Variants in ATRNL1 observed in about 807,000 individuals in gnomAD.
ATRNL1 encodes the protein attractin-like protein 1.
In ATRNL1, 95 loss-of-function variants were observed where a neutral mutation model predicts 182.7. The observed-to-expected ratio is 0.52, with a 90% confidence interval of 0.44 to 0.62. ATRNL1 has a LOEUF of 0.62. Among genes scored for constraint, ATRNL1 ranks in the 20% least tolerant of loss-of-function variants. ATRNL1 has a pLI of 0.00. For missense variants in ATRNL1, 1,471 were observed against 1,679.5 expected, an observed-to-expected ratio of 0.88 and a Z score of 2.17; for synonymous variants, 576 against 568.3, an observed-to-expected ratio of 1.01 and a Z score of -0.19.
chr10:115,579,497 G>T (rs1390473957), intron 26 of ATRNL1, among the ~76,000 whole-genome samples: 1 of 151,754 alleles, frequency 6.6e-6, no homozygotes, highest in Non-Finnish European at 1.5e-5. Context: ...ACTTGTTACA[G>T]TTTGTGACTT....
intron 13 of ATRNL1, among the ~76,000 whole-genome samples, chr10:115,279,962 A>G (rs1852283346): frequency 1.3e-5 from 2 of 152,344 alleles, no homozygotes; most frequent in Admixed American, 6.5e-5. Flanking sequence ...TAGGGGCCAC[A>G]GTAGAGAAGC....
intron 8 of ATRNL1, among the ~76,000 whole-genome samples, chr10:115,202,152 A>G (rs1490422529): frequency 2.4e-4 from 37 of 152,238 alleles, no homozygotes; most frequent in Non-Finnish European, 4.6e-4. Flanking sequence ...GGGGTTTTCT[A>G]GATATACAAT....
chr10:115,521,141 G>GTTGTTA (rs1266257619), intron 25 of ATRNL1, among the ~76,000 whole-genome samples: 1 of 134,754 alleles, frequency 7.4e-6, no homozygotes, highest in Non-Finnish European at 1.7e-5. Flanking sequence ...AACAACTTTT[G>GTTGTTA]TTGTTGTTGT....
At chr10:115,381,432 A>AT (rs375127246) in intron 19 of ATRNL1, among the ~76,000 whole-genome samples, 2,071 of 68,540 alleles carry the variant, frequency 0.03, 309 homozygotes, top group Admixed American at 0.18. Flanking sequence ...ATACCTGGCA[A>AT]TTTTTTTTTT....
At chr10:115,662,853 A>G (rs1860778090) in intron 26 of ATRNL1, among the ~76,000 whole-genome samples, 1 of 152,100 alleles carries the variant, frequency 6.6e-6, no homozygotes, top group African/African-American at 2.4e-5. Flanking sequence ...CATTGATCTT[A>G]TACAAACTTT....
chr10:115,413,931 A>G (rs1592620582), intron 20 of ATRNL1, among the ~76,000 whole-genome samples: 2 of 152,208 alleles, frequency 1.3e-5, no homozygotes, highest in East Asian at 3.9e-4. Context: ...ATAAATATAC[A>G]TATGTGCACA....
chr10:115,595,506 T>G (rs1555013698), intron 26 of ATRNL1, among the ~76,000 whole-genome samples: 1 of 152,202 alleles, frequency 6.6e-6, no homozygotes, highest in Non-Finnish European at 1.5e-5. Context: ...ATATGTTAAA[T>G]TTATTAAGGC....
chr10:115,103,674 A>G (rs957426585), intron 1 of ATRNL1, among the ~76,000 whole-genome samples: 3 of 152,198 alleles, frequency 2.0e-5, no homozygotes, highest in Non-Finnish European at 4.4e-5. Context: ...CCCATTAACC[A>G]TCCCCATTTC....
At chr10:115,510,518 C>A (rs1249326190) in intron 24 of ATRNL1, among the ~76,000 whole-genome samples, 26 of 152,092 alleles carry the variant, frequency 1.7e-4, no homozygotes, top group African/African-American at 5.5e-4. Flanking sequence ...TGATCATTAG[C>A]AGTTTTTAGC....
At chr10:115,899,674 TA>T (rs1331546370) in intron 28 of ATRNL1, among the ~76,000 whole-genome samples, 4 of 152,160 alleles carry the variant, frequency 2.6e-5, no homozygotes, top group Non-Finnish European at 5.9e-5. Context: ...TATGTATTTT[TA>T]AAAAAGCCTG....
intron 23 of ATRNL1, 83 bp downstream of exon 23, chr10:115,467,335 G>T: frequency 1.0e-6 from 1 of 958,800 alleles, no homozygotes; most frequent in Non-Finnish European, 1.5e-6. Flanking sequence ...TTAATTAAAT[G>T]TTTGAAATTT....
chr10:115,437,616 ACT>A (rs1846464055), intron 21 of ATRNL1, among the ~76,000 whole-genome samples: 1 of 151,716 alleles, frequency 6.6e-6, no homozygotes, highest in Non-Finnish European at 1.5e-5. Context: ...ATGTTTTTGG[ACT>A]CTCGATATTG....
At chr10:115,235,728 TA>T (rs1193605637) in intron 9 of ATRNL1, among the ~76,000 whole-genome samples, 2 of 152,186 alleles carry the variant, frequency 1.3e-5, no homozygotes, top group Non-Finnish European at 2.9e-5. Context: ...TATATCTTGG[TA>T]AAAGTGGTAT....
At chr10:115,651,375 G>A (rs1262828800) in intron 26 of ATRNL1, among the ~76,000 whole-genome samples, 5 of 152,018 alleles carry the variant, frequency 3.3e-5, no homozygotes, top group South Asian at 2.1e-4. Flanking sequence ...AATAAAAGTC[G>A]AAATTATTTT....
intron 24 of ATRNL1, among the ~76,000 whole-genome samples, chr10:115,506,660 A>G (rs781868685): frequency 3.9e-5 from 6 of 152,128 alleles, no homozygotes; most frequent in Non-Finnish European, 7.4e-5. Context: ...AAAACTCCAA[A>G]AAAGGGAAGT....
chr10:115,140,461 G>A (rs1845711426), intron 5 of ATRNL1, among the ~76,000 whole-genome samples: 1 of 152,174 alleles, frequency 6.6e-6, no homozygotes, highest in Non-Finnish European at 1.5e-5. Flanking sequence ...AGATGTAGGG[G>A]TAGACAGGTT....
At chr10:115,900,630 G>A (rs895307581) in intron 28 of ATRNL1, among the ~76,000 whole-genome samples, 4 of 152,030 alleles carry the variant, frequency 2.6e-5, no homozygotes, top group Admixed American at 2.6e-4. Flanking sequence ...CCATTTTGTA[G>A]ATAGCACTGA....
At chr10:115,824,385 A>G (rs1950376491) in intron 27 of ATRNL1, among the ~76,000 whole-genome samples, 1 of 152,218 alleles carries the variant, frequency 6.6e-6, no homozygotes, top group African/African-American at 2.4e-5. Flanking sequence ...CTTCATGACT[A>G]AAACACCAAA....
intron 1 of ATRNL1, among the ~76,000 whole-genome samples, chr10:115,105,096 T>G (rs1198989627): frequency 6.6e-6 from 1 of 152,214 alleles, no homozygotes; most frequent in African/African-American, 2.4e-5. Context: ...AAAAATGTCA[T>G]TGGCATTTTG....
Sources: gnomAD v4.1 joint callset for allele counts (sites outside exome capture counted in the v4.1 genomes callset) on GRCh38, gnomAD v4.1.1 for gene constraint, MANE v1.5 for transcripts, NCBI Gene and HGNC (gene_info 2026-07-23, HGNC 2026-07-21) for gene names.